Variants in NOMO3 observed in about 807,000 individuals in gnomAD.
The protein encoded by NOMO3 is BOS complex subunit NOMO3.
A neutral mutation model predicts 69.9 loss-of-function variants in NOMO3; 15 were observed. The ratio of observed to expected loss-of-function variants is 0.21; its 90% CI spans 0.14 to 0.33. The LOEUF is 0.33. Among genes scored for constraint, NOMO3 ranks in the 10% least tolerant of loss-of-function variants. The pLI is 1.00. For synonymous variants in NOMO3, 89 were observed against 301.9 expected (o/e 0.29, Z 7.31); for missense variants, 218 against 761.0 (o/e 0.29, Z 8.39).
chr16:16,251,709 A>G (rs1237496935), intron 7 of NOMO3: 1 of 376,352 alleles, frequency 2.7e-6, no homozygotes, highest in Non-Finnish European at 4.6e-6. Flanking sequence ...CCGTTTCCTT[A>G]TTTGGAGAAT....
rs1439101016 is a variant in NOMO3, at chr16:16,254,639, C to T, written c.964-1081C>T. 1.4e-5 allele frequency among the ~76,000 whole-genome samples: 2 copies of T among 143,274 alleles called. 1 individual carries two copies. Among genetic ancestry groups the T allele is most frequent in the East Asian group, 4.5e-4 (2 of 4,408 alleles). 94.0% of individuals were successfully genotyped at this position (143,274 alleles called of 152,430 possible). On this transcript the variant is annotated intron_variant, in intron 9 of 30. Coordinates refer to ENST00000399336, the MANE Select transcript of NOMO3 (RefSeq NM_001004067.4). The stretch of plus-strand genomic sequence containing the variant: ...CCTGCTGTGTACCAGGTGACTAAGA[C>T]AGAAAAAGTCCCTGTCTCCATGAGG...
rs1422274275 is a variant in NOMO3, at chr16:16,269,397, GA to G, written c.1895-721del. Among the ~76,000 whole-genome samples the G allele has an allele frequency of 2.1e-5, 3 of 141,102 alleles. 1 individual carries two copies. The highest frequency in any genetic ancestry group is 5.9e-5 in the African/African-American group (2 of 33,882). The allele number at this position is 141,102 out of a possible 152,430, so 92.6% of individuals were successfully genotyped here. A position where few individuals can be genotyped will look rare whatever the true frequency, so the allele number is the denominator to read the frequency against. On this transcript the variant is annotated intron_variant, in intron 16 of 30. Coordinates refer to ENST00000399336, the MANE Select transcript of NOMO3 (RefSeq NM_001004067.4). ...GATGCTCTGTCGATATTTGTTGAAT[GA>G]AAGACCAAACAAAACAAACAGAGAA... is the stretch of plus-strand genomic sequence containing the variant.
Position 16,253,228 on chromosome 16 carries a change from TAAAG to T in NOMO3, c.963+707_963+710del, listed in dbSNP as rs780311993. 8.0e-4 allele frequency among the ~76,000 whole-genome samples: 111 copies of T among 139,116 alleles called. 5 individuals carry two copies. The highest frequency in any genetic ancestry group is 1.2e-3 in the Non-Finnish European group (78 of 66,920). The allele number at this position is 139,116 out of a possible 152,430, so 91.3% of individuals were successfully genotyped here. On this transcript the variant is annotated intron_variant, in intron 9 of 30. Coordinates refer to ENST00000399336, the MANE Select transcript of NOMO3 (RefSeq NM_001004067.4). The stretch of plus-strand genomic sequence containing the variant: ...AGGTGATAAGTGTTCTCTAGAAAAA[TAAAG>T]GAAGAAAGGAGGTAGTACAGTATCA...
intron 13 of NOMO3, 136 bp from the exon 14 acceptor site, chr16:16,263,377 A>G: frequency 6.4e-7 from 1 of 1,569,126 alleles, no homozygotes; most frequent in Non-Finnish European, 8.6e-7. Context: ...ACTTGAAAGA[A>G]GCGCTCCGTC....
At chr16:16,259,460 T>G (rs1390625487) in intron 11 of NOMO3, among the ~76,000 whole-genome samples, 1 of 138,022 alleles carries the variant, frequency 7.2e-6, no homozygotes, top group Non-Finnish European at 1.5e-5. Context: ...GTGATTCTCC[T>G]GCCCCAGCCT....
At position 16,252,238 on chromosome 16, in the gene NOMO3, A is replaced by T. The variant is rs1426214395; in HGVS notation, c.873+138A>T. On this transcript the variant is annotated intron_variant, in intron 8 of 30. Coordinates refer to ENST00000399336, the MANE Select transcript of NOMO3 (RefSeq NM_001004067.4). ...ATGCTGTTAAGCAGTAACTTACTTA[A>T]GATGAGACACTCACCCCTTCGTAAT... 1.2e-5 allele frequency: 19 copies of T among 1,550,554 alleles called. 1 individual carries two copies. Among genetic ancestry groups the T allele is most frequent in the Non-Finnish European group, 1.7e-5 (19 of 1,148,550 alleles).
chr16:16,249,677 C>T (rs1278644757), intron 6 of NOMO3, among the ~76,000 whole-genome samples: 1 of 143,444 alleles, frequency 7.0e-6, no homozygotes, highest in Non-Finnish European at 1.5e-5. Flanking sequence ...TAATTGTCTG[C>T]ATAGAAGAAT....
rs1270257647 is a variant in NOMO3 at position 16,254,669 on chromosome 16, A to T, written c.964-1051A>T. On this transcript the variant is annotated intron_variant, in intron 9 of 30. Coordinates refer to ENST00000399336, the MANE Select transcript of NOMO3 (RefSeq NM_001004067.4). ...AAAGTCCCTGTCTCCATGAGGTAAC[A>T]TGCTAGTGGGAGGGAGACAACTAAG... 5.6e-5 allele frequency among the ~76,000 whole-genome samples: 8 copies of T among 143,330 alleles called. 2 individuals carry two copies. Among genetic ancestry groups the T allele is most frequent in the African/African-American group, 8.7e-5 (3 of 34,602 alleles). The allele number at this position is 143,330 out of a possible 152,430, so 94.0% of individuals were successfully genotyped here. A position where few individuals can be genotyped will look rare whatever the true frequency, so the allele number is the denominator to read the frequency against.
Position 16,263,060 on chromosome 16 carries a change from C to T in NOMO3, c.1396-14C>T. 1.3e-6 allele frequency: 2 copies of T among 1,594,832 alleles called. No homozygotes were observed. The highest frequency in any genetic ancestry group is 1.7e-6 in the Non-Finnish European group (2 of 1,177,748). On this transcript the variant is annotated splice_polypyrimidine_tract_variant and intron_variant, in intron 12 of 30. Transcript: ENST00000399336. ...CCGAATGCAGCCTCTAACGTTCCAT[C>T]CACGTTTCCGCAGGTGATGGTTCCT... is the stretch of plus-strand genomic sequence containing the variant.
intron 6 of NOMO3, among the ~76,000 whole-genome samples, chr16:16,248,113 G>T: frequency 1.4e-5 from 1 of 72,764 alleles, no homozygotes; most frequent in Admixed American, 1.3e-4. Flanking sequence ...TAAAGACGGA[G>T]TCTCGCTCTG....
intron 11 of NOMO3, among the ~76,000 whole-genome samples, chr16:16,260,200 A>G (rs2049550928): frequency 9.3e-6 from 1 of 107,620 alleles, no homozygotes; most frequent in Non-Finnish European, 1.7e-5. Context: ...CGTGAGCCAT[A>G]CGGTCTCTAG....
chr16:16,260,754 C>G (rs1375305555), intron 11 of NOMO3: 1 of 141,892 alleles, frequency 7.0e-6, no homozygotes, highest in African/African-American at 3.0e-5. Flanking sequence ...TTTAATACAC[C>G]AGCTGCTTCA....
chr16:16,240,566 T>G (rs1226021682), intron 3 of NOMO3, among the ~76,000 whole-genome samples: 1 of 145,214 alleles, frequency 6.9e-6, no homozygotes, highest in Non-Finnish European at 1.5e-5. Context: ...CTCCAAACTT[T>G]CCTCATATAA....
chr16:16,243,159 A>G lies in NOMO3; in HGVS notation c.302-2A>G. Reference sequence around the variant, plus strand: ...GGTTTCCTCCCCTGCTTCGTTCCTCAGAGCCGACGACCGTGGAGCTCCATG... The same window carrying G: ...GGTTTCCTCCCCTGCTTCGTTCCTCGGAGCCGACGACCGTGGAGCTCCATG... On this transcript the variant is annotated splice_acceptor_variant, in intron 3 of 30. Transcript: ENST00000399336. LOFTEE classifies it high-confidence loss of function. The G allele has an allele frequency of 8.7e-7, 1 of 1,149,018 alleles. No homozygotes were observed. Among genetic ancestry groups the G allele is most frequent in the Non-Finnish European group, 1.2e-6 (1 of 852,386 alleles). The allele number at this position is 1,149,018 out of a possible 1,614,324, so 71.2% of individuals were successfully genotyped here.
rs571471660 is a variant in NOMO3, at chr16:16,237,845, C to T, written c.255+855C>T. On this transcript the variant is annotated intron_variant, in intron 2 of 30. Transcript: ENST00000399336. ...GATTACAGGTGTGAGCCGATGTTTCCGGCCCTCTTATAAAATTTTGATGTG... is the reference window on the plus strand; with the variant it reads ...GATTACAGGTGTGAGCCGATGTTTCTGGCCCTCTTATAAAATTTTGATGTG... 3.5e-5 allele frequency among the ~76,000 whole-genome samples: 5 copies of T among 144,472 alleles called. 1 individual carries two copies. In the South Asian group the frequency reaches 8.7e-4, roughly 25 times the overall value. The allele number at this position is 144,472 out of a possible 152,430, so 94.8% of individuals were successfully genotyped here.
At chr16:16,234,181 T>A (rs535779588) in intron 1 of NOMO3, among the ~76,000 whole-genome samples, 59 of 151,294 alleles carry the variant, frequency 3.9e-4, no homozygotes, top group African/African-American at 1.2e-3. Flanking sequence ...CCATGCCACC[T>A]CCTAGGTCTG....
chr16:16,248,065 CATTTAT>C (rs1391363309), intron 6 of NOMO3, among the ~76,000 whole-genome samples: 1 of 97,376 alleles, frequency 1.0e-5, no homozygotes, highest in Admixed American at 1.0e-4. Context: ...TTGTGATAAT[CATTTAT>C]GGATACAGTC....
chr16:16,239,077 C>CAA (rs1262740718), intron 2 of NOMO3, among the ~76,000 whole-genome samples: 1 of 119,178 alleles, frequency 8.4e-6, no homozygotes. Context: ...GGCTCCATCT[C>CAA]AAAAAAAAAA....
chr16:16,244,511 CTT>C (rs1203597061), intron 4 of NOMO3, among the ~76,000 whole-genome samples: 137 of 52,434 alleles, frequency 2.6e-3, no homozygotes, highest in African/African-American at 9.9e-3. Flanking sequence ...TGTACATTTA[CTT>C]TTTTTTTTTT....
Sources: allele counts gnomAD v4.1 joint callset (sites outside exome capture counted in the v4.1 genomes callset), GRCh38; gene constraint gnomAD v4.1.1; transcripts MANE v1.5; gene names NCBI Gene and HGNC (gene_info 2026-07-23, HGNC 2026-07-21).